SPECC1: variants seen among roughly 807,000 people sequenced by gnomAD.
The protein encoded by SPECC1 is sperm antigen with calponin homology and coiled-coil domains 1.
A neutral mutation model predicts 104.1 loss-of-function variants in SPECC1; 62 were observed. The observed-to-expected ratio is 0.60, with a 90% CI of 0.49 to 0.74. SPECC1 has a LOEUF of 0.74. Ranked by LOEUF, SPECC1 falls within the 30% of genes least tolerant of loss-of-function variation. The pLI is 0.00. For missense variants in SPECC1, 1,306 were observed against 1,310.5 expected (o/e 1.00, Z 0.05); for synonymous variants, 513 against 501.6 (o/e 1.02, Z -0.30).
chr17:20,087,425 TTTA>T (rs2047220232), intron 1 of SPECC1, among the ~76,000 whole-genome samples: 1 of 152,240 alleles, frequency 6.6e-6, no homozygotes, highest in African/African-American at 2.4e-5. Context: ...GTCTGGGGAC[TTTA>T]TTATTTTTTT....
rs145598939 is a variant in SPECC1, at chr17:20,200,662, C to G, written c.284-3671C>G. ...GACTCCCACTGCTTCAAGGAGGTGT[C>G]GTAAGCTGTAGGGCTGTTGCTCTTT... On this transcript the variant is annotated intron_variant, in intron 3 of 14. Transcript: ENST00000395527. Among the ~76,000 whole-genome samples, 349 of 152,296 alleles carry G rather than the reference C, an allele frequency of 2.3e-3. 2 individuals are homozygous for G. The highest frequency in any genetic ancestry group is 0.01 in the Middle Eastern group (3 of 294).
chr17:20,203,997 A>G (rs2036600173), intron 3 of SPECC1, among the ~76,000 whole-genome samples: 2 of 151,840 alleles, frequency 1.3e-5, no homozygotes, highest in South Asian at 4.2e-4. Flanking sequence ...ACATTTTCTC[A>G]CTCTGGTCCC....
At chr17:20,181,665 A>G (rs183513858) in intron 3 of SPECC1, among the ~76,000 whole-genome samples, 1 of 152,292 alleles carries the variant, frequency 6.6e-6, no homozygotes, top group East Asian at 1.9e-4. Flanking sequence ...TTGACCTAAG[A>G]ATAAGAGAAT....
chr17:20,249,293 C>T (rs912028404), intron 9 of SPECC1, among the ~76,000 whole-genome samples: 6 of 152,088 alleles, frequency 3.9e-5, no homozygotes, highest in Non-Finnish European at 8.8e-5. Context: ...TGGTGTGTGC[C>T]TGTTGTCCCA....
chr17:20,125,626 T>A (rs1299169317), intron 3 of SPECC1, among the ~76,000 whole-genome samples: 2 of 152,246 alleles, frequency 1.3e-5, no homozygotes, highest in Non-Finnish European at 2.9e-5. Flanking sequence ...GATCATACAG[T>A]ATCCTTTTGG....
At chr17:20,104,088 C>T (rs1462940688) in intron 2 of SPECC1, among the ~76,000 whole-genome samples, 2 of 152,158 alleles carry the variant, frequency 1.3e-5, no homozygotes, top group African/African-American at 4.8e-5. Flanking sequence ...GGACAAAAAT[C>T]AGCATGTTTG....
intron 6 of SPECC1, 93 bp from the exon 7 acceptor site, chr17:20,232,107 T>C: frequency 2.0e-6 from 3 of 1,465,540 alleles, no homozygotes; most frequent in Non-Finnish European, 2.8e-6. Flanking sequence ...ATGGCATTTT[T>C]TTCTTGGTGA....
intron 2 of SPECC1, among the ~76,000 whole-genome samples, chr17:20,100,542 A>G (rs1428898157): frequency 2.6e-5 from 4 of 152,196 alleles, no homozygotes; most frequent in Non-Finnish European, 5.9e-5. Context: ...CTTTATAGGA[A>G]ATGGATAGAT....
chr17:20,309,482 A>G (rs1289729187), intron 14 of SPECC1, among the ~76,000 whole-genome samples: 1 of 152,138 alleles, frequency 6.6e-6, no homozygotes, highest in African/African-American at 2.4e-5. Flanking sequence ...GAGGTTTGGG[A>G]TATGAGTGAT....
intron 12 of SPECC1, among the ~76,000 whole-genome samples, chr17:20,266,979 G>C (rs1180997435): frequency 2.6e-5 from 4 of 152,076 alleles, no homozygotes; most frequent in African/African-American, 7.2e-5. Context: ...ACCCAGGTCA[G>C]CAGCACTGGG....
intron 1 of SPECC1, chr17:20,056,422 A>G (rs1217043403): frequency 1.6e-5 from 3 of 189,608 alleles, no homozygotes; most frequent in East Asian, 1.3e-4. Flanking sequence ...GGCCGCTTGT[A>G]TCATGGAGTG....
intron 3 of SPECC1, among the ~76,000 whole-genome samples, chr17:20,140,664 C>T (rs1172649756): frequency 1.3e-5 from 2 of 152,228 alleles, no homozygotes; most frequent in Non-Finnish European, 2.9e-5. Context: ...AGAGAGGAGA[C>T]TACCAGCCAA....
chr17:20,214,390 T>C (rs761038692), intron 4 of SPECC1, among the ~76,000 whole-genome samples: 24 of 152,208 alleles, frequency 1.6e-4, no homozygotes, highest in Non-Finnish European at 2.9e-4. Flanking sequence ...TTAAGAGTTA[T>C]GGAATCACAT....
At chr17:20,146,500 C>G (rs2031473571) in intron 3 of SPECC1, among the ~76,000 whole-genome samples, 1 of 152,206 alleles carries the variant, frequency 6.6e-6, no homozygotes, top group African/African-American at 2.4e-5. Flanking sequence ...ATGAATAAAA[C>G]TGCTATAAAC....
At chr17:20,073,524 A>G (rs1178308803) in intron 1 of SPECC1, 1 of 152,262 alleles carries the variant, frequency 6.6e-6, no homozygotes, top group Non-Finnish European at 1.5e-5. Context: ...AGGCCATCAG[A>G]ACTTGGGGAG....
chr17:20,217,153 C>T (rs1478948798), intron 4 of SPECC1, among the ~76,000 whole-genome samples: 1 of 152,044 alleles, frequency 6.6e-6, no homozygotes, highest in Non-Finnish European at 1.5e-5. Context: ...TTAATTTCTC[C>T]CTCTCTTCAT....
At chr17:20,151,619 C>T (rs767194398) in intron 3 of SPECC1, among the ~76,000 whole-genome samples, 7 of 152,136 alleles carry the variant, frequency 4.6e-5, no homozygotes, top group African/African-American at 9.7e-5. Context: ...TTCACTTCCG[C>T]GTGTTGCTTG....
intron 5 of SPECC1, among the ~76,000 whole-genome samples, chr17:20,230,216 C>T (rs1441134711): frequency 1.3e-5 from 2 of 152,174 alleles, no homozygotes; most frequent in Non-Finnish European, 2.9e-5. Context: ...TTCCTAGAGA[C>T]AATAGTTCGG....
intron 7 of SPECC1, among the ~76,000 whole-genome samples, chr17:20,240,100 A>C (rs1488701494): frequency 1.8e-5 from 2 of 110,068 alleles, no homozygotes; most frequent in Non-Finnish European, 3.4e-5. Flanking sequence ...TTTGGTAGAC[A>C]CGAGGTCTCA....
Sources: gnomAD v4.1 joint callset for allele counts (sites outside exome capture counted in the v4.1 genomes callset) on GRCh38, gnomAD v4.1.1 for gene constraint, MANE v1.5 for transcripts, NCBI Gene and HGNC (gene_info 2026-07-23, HGNC 2026-07-21) for gene names.